The following DAB1 variants were observed in gnomAD, a reference collection of about 807,000 sequenced individuals.
DAB1 encodes the protein disabled homolog 1.
A neutral mutation model predicts 64.6 loss-of-function variants in DAB1; 15 were observed. That is an observed-to-expected ratio of 0.23 (90% CI 0.16 to 0.36). The LOEUF is 0.36. DAB1 is among the 10% of genes least tolerant of loss of function. The pLI, the probability that DAB1 is intolerant of heterozygous loss-of-function variation, is 1.00. For synonymous variants in DAB1, 235 were observed against 251.9 expected, an observed-to-expected ratio of 0.93 and a Z score of 0.64; for missense variants, 596 against 706.7, an observed-to-expected ratio of 0.84 and a Z score of 1.78.
intron 3 of DAB1, among the ~76,000 whole-genome samples, chr1:58,350,267 T>G (rs1195785778): frequency 1.3e-5 from 2 of 152,254 alleles, no homozygotes; most frequent in African/African-American, 4.8e-5. Flanking sequence ...TTGTGAAATG[T>G]CTGCTCATAT....
At chr1:58,374,886 G>C (rs1274224908) in intron 3 of DAB1, among the ~76,000 whole-genome samples, 4 of 136,832 alleles carry the variant, frequency 2.9e-5, no homozygotes, top group Admixed American at 7.3e-5. Flanking sequence ...TCCTTGAAGA[G>C]GTCCTTCACA....
intron 2 of DAB1, among the ~76,000 whole-genome samples, chr1:57,241,435 C>G (rs1037477866): frequency 6.6e-6 from 1 of 152,158 alleles, no homozygotes; most frequent in Non-Finnish European, 1.5e-5. Context: ...TCTATCAAAT[C>G]TAAAGCCTAC....
At chr1:58,489,644 C>G (rs1178966024) in intron 3 of DAB1, among the ~76,000 whole-genome samples, 1 of 152,188 alleles carries the variant, frequency 6.6e-6, no homozygotes, top group Admixed American at 6.5e-5. Flanking sequence ...AGACTGCCTC[C>G]TCAAGTGGGT....
intron 5 of DAB1, among the ~76,000 whole-genome samples, chr1:57,947,877 C>T (rs940392502): frequency 6.6e-6 from 1 of 152,154 alleles, no homozygotes; most frequent in African/African-American, 2.4e-5. Flanking sequence ...GATCACAATC[C>T]CAAACTAAAA....
intron 5 of DAB1, among the ~76,000 whole-genome samples, chr1:58,070,089 G>A (rs1348860480): frequency 1.3e-5 from 2 of 152,144 alleles, no homozygotes; most frequent in African/African-American, 4.8e-5. Context: ...AACCATCAGG[G>A]AGCTGACACA....
intron 2 of DAB1, among the ~76,000 whole-genome samples, chr1:57,150,298 C>T (rs1481848674): frequency 6.6e-6 from 1 of 152,230 alleles, no homozygotes; most frequent in African/African-American, 2.4e-5. Flanking sequence ...ATCATACTTT[C>T]AGTTTGTCTG....
intron 1 of DAB1, among the ~76,000 whole-genome samples, chr1:57,879,353 T>A (rs188607760): frequency 1.3e-5 from 2 of 152,170 alleles, no homozygotes; most frequent in African/African-American, 4.8e-5. Context: ...AGAGGCCACA[T>A]GTTGAAGATG....
chr1:57,243,033 G>A (rs1191132337), intron 2 of DAB1, among the ~76,000 whole-genome samples: 1 of 152,084 alleles, frequency 6.6e-6, no homozygotes, highest in Admixed American at 6.5e-5. Flanking sequence ...ACCTGAAATG[G>A]GTTGTTACCA....
At chr1:57,426,287 G>GT (rs1685282766), upstream of DAB1, among the ~76,000 whole-genome samples, 3 of 152,318 alleles carry the variant, frequency 2.0e-5, no homozygotes, top group Non-Finnish European at 4.4e-5. Flanking sequence ...TCTCTGCTCT[G>GT]TGTTGAATCA....
At chr1:58,212,902 T>C (rs1280010551) in intron 4 of DAB1, among the ~76,000 whole-genome samples, 2 of 152,032 alleles carry the variant, frequency 1.3e-5, no homozygotes, top group African/African-American at 4.8e-5. Flanking sequence ...GGGGGTGGAG[T>C]TATCAGTGTT....
intron 1 of DAB1, among the ~76,000 whole-genome samples, chr1:57,854,939 C>T (rs1033866839): frequency 3.3e-5 from 5 of 152,158 alleles, no homozygotes; most frequent in African/African-American, 1.2e-4. Flanking sequence ...AATAACTTAT[C>T]AACTCATTGT....
intron 2 of DAB1, among the ~76,000 whole-genome samples, chr1:57,229,311 C>T (rs1338358302): frequency 2.0e-5 from 3 of 151,680 alleles, no homozygotes; most frequent in Non-Finnish European, 2.9e-5. Context: ...CCTCCCATCT[C>T]AGCCGCCAGA....
intron 4 of DAB1, among the ~76,000 whole-genome samples, chr1:58,334,584 TTTATC>T (rs1207323003): frequency 6.7e-6 from 1 of 148,320 alleles, no homozygotes; most frequent in African/African-American, 2.5e-5. Context: ...CTTTGAGCTA[TTTATC>T]TTATATTATA....
At chr1:57,932,830 T>G (rs888205535) in intron 5 of DAB1, among the ~76,000 whole-genome samples, 2 of 152,220 alleles carry the variant, frequency 1.3e-5, no homozygotes, top group African/African-American at 4.8e-5. Flanking sequence ...TTTGTATCTT[T>G]ATATGTAAAA....
chr1:57,271,102 G>C (rs1243665946), intron 2 of DAB1, among the ~76,000 whole-genome samples: 1 of 152,158 alleles, frequency 6.6e-6, no homozygotes, highest in Non-Finnish European at 1.5e-5. Context: ...CATCCAGTTG[G>C]TGTAAGCAGC....
At chr1:57,147,395 C>G (rs1485727108) in intron 2 of DAB1, among the ~76,000 whole-genome samples, 1 of 151,872 alleles carries the variant, frequency 6.6e-6, no homozygotes, top group Non-Finnish European at 1.5e-5. Context: ...TATGTCTATC[C>G]AGCCACAGGT....
chr1:58,411,137 A>G (rs1644663712), intron 3 of DAB1, among the ~76,000 whole-genome samples: 1 of 152,174 alleles, frequency 6.6e-6, no homozygotes, highest in Non-Finnish European at 1.5e-5. Context: ...TTTTTATTCC[A>G]TTCATTCCTT....
intron 2 of DAB1, among the ~76,000 whole-genome samples, chr1:57,230,273 A>G (rs12071326): frequency 0.071 from 10,831 of 151,672 alleles, 1,289 homozygotes; most frequent in African/African-American, 0.25. Flanking sequence ...GGCGATGTGC[A>G]AAAAAGAAAA....
intron 7 of DAB1, among the ~76,000 whole-genome samples, chr1:57,577,355 C>T (rs1645262250): frequency 6.6e-6 from 1 of 151,874 alleles, no homozygotes. Context: ...GTTGGAGACT[C>T]CATGTTTGAC....
Sources: gnomAD v4.1 joint callset for allele counts (sites outside exome capture counted in the v4.1 genomes callset) on GRCh38, gnomAD v4.1.1 for gene constraint, MANE v1.5 for transcripts, NCBI Gene and HGNC (gene_info 2026-07-23, HGNC 2026-07-21) for gene names.